Variants in NEMF observed in about 807,000 individuals in gnomAD.
The protein encoded by NEMF is ribosome quality control complex subunit NEMF.
A neutral mutation model predicts 162.2 loss-of-function variants in NEMF; 89 were observed. That is an observed-to-expected ratio of 0.55 (90% CI 0.46 to 0.65). The LOEUF (loss-of-function observed/expected upper bound fraction) is 0.65, where lower values mean the gene tolerates loss of function less well. Ranked by LOEUF, NEMF falls within the 30% of genes least tolerant of loss-of-function variation. The pLI is 0.00. For missense variants in NEMF, 1,133 were observed against 1,261.9 expected (o/e 0.90, Z 1.55); for synonymous variants, 421 against 404.5 (o/e 1.04, Z -0.49).
chr14:49,845,096 AG>A, intron 4 of NEMF, among the ~76,000 whole-genome samples: 1 of 148,180 alleles, frequency 6.7e-6, no homozygotes, highest in Non-Finnish European at 1.5e-5. Flanking sequence ...TTAGTTAGTT[AG>A]TTAGTTTATT....
Position 49,852,763 on chromosome 14 carries a change from C to G in NEMF, c.-10G>C, listed in dbSNP as rs774042770. Reference sequence around the variant, plus strand: ...TAAAGCGGCTCTTCATGGCGAGGCCCGAGGGTCACTACCGCAAGTTCCTCT... The same window carrying G: ...TAAAGCGGCTCTTCATGGCGAGGCCGGAGGGTCACTACCGCAAGTTCCTCT... On this transcript the variant is annotated 5_prime_UTR_variant, in exon 1 of 33. Coordinates refer to ENST00000298310, the MANE Select transcript of NEMF (RefSeq NM_004713.6). The G allele has an allele frequency of 2.5e-6, 4 of 1,614,146 alleles. No individual in the cohort carries two copies. Among genetic ancestry groups the G allele is most frequent in the Non-Finnish European group, 3.4e-6 (4 of 1,180,018 alleles).
Position 49,828,646 on chromosome 14 carries a change from A to C in NEMF, c.1394T>G (p.Leu465Arg). 1 of 1,582,634 alleles carries C rather than the reference A, an allele frequency of 6.3e-7. No individual in the cohort carries two copies. The highest frequency in any genetic ancestry group is 8.5e-7 in the Non-Finnish European group (1 of 1,171,728). The change falls in exon 14 of 33, where the codon CTC (leucine) becomes CGC (arginine). Residue 465 changes from leucine (L) to arginine (R), a missense_variant. By Grantham distance (102) the Leu-to-Arg change is moderately radical. Transcript: ENST00000298310. ...GGCATTGGCATATGCTGACAAGCTG[A>C]GATCAACATCTACAAGTAAGGGCTT... The part of the protein sequence containing the change: ...KNKPLLVDVD[L>R]SLSAYANAKK...
Position 49,814,810 on chromosome 14 carries a change from A to G in NEMF, c.1625T>C (p.Ile542Thr), listed in dbSNP as rs1891642670. The G allele has an allele frequency of 1.3e-6, 2 of 1,596,202 alleles. No individual in the cohort carries two copies. Among genetic ancestry groups the G allele is most frequent in the Non-Finnish European group, 1.7e-6 (2 of 1,173,820 alleles). ...ATTCTGTTGCTGATCTCGTCCACCT[A>G]TAATTAGATAGTTCTCTGAGCTAAT... ...WFISSENYLI[I>T]GGRDQQQNEI... is the part of the protein sequence containing the mutation. The change falls in exon 17 of 33, where the codon ATA (isoleucine) becomes ACA (threonine). Residue 542 changes from isoleucine to threonine, a missense_variant. This residue lies in a region of NEMF where 582 missense variants were observed against 631.5 expected (regional missense o/e 0.92). Transcript: ENST00000298310.
At chr14:49,817,517 GACAA>G (rs1381301552) in intron 16 of NEMF, among the ~76,000 whole-genome samples, 1 of 151,984 alleles carries the variant, frequency 6.6e-6, no homozygotes, top group African/African-American at 2.4e-5. Flanking sequence ...AGTTACACCT[GACAA>G]ACAAGGAAAA....
intron 18 of NEMF, among the ~76,000 whole-genome samples, chr14:49,812,420 T>C (rs1325617527): frequency 6.6e-6 from 1 of 152,192 alleles, no homozygotes; most frequent in Non-Finnish European, 1.5e-5. Context: ...TCATTTCTAC[T>C]CTAATATTTA....
Position 49,795,871 on chromosome 14 carries a change from CTTTT to C in NEMF, c.2535_2538del (p.Glu847ValfsTer21). ...TGAGTTTCAATGTGTACAGTACTTT[CTTTT>C]TCTTTATCCTTTCCCTCTAACGCTT... On this transcript the variant is annotated frameshift_variant, in exon 26 of 33. Transcript: ENST00000298310. LOFTEE classifies it high-confidence loss of function. 1 of 1,613,486 alleles carries C rather than the reference CTTTT, an allele frequency of 6.2e-7. No individual in the cohort carries two copies. Among genetic ancestry groups the C allele is most frequent in the Non-Finnish European group, 8.5e-7 (1 of 1,179,666 alleles).
chr14:49,822,262 C>T (rs576940137), intron 16 of NEMF, among the ~76,000 whole-genome samples: 5 of 147,430 alleles, frequency 3.4e-5, no homozygotes, highest in East Asian at 2.0e-4. Context: ...TCCCCCTCTG[C>T]GAGAAACACC....
chr14:49,828,157 A>G, intron 15 of NEMF, 134 bp downstream of exon 15: 1 of 712,518 alleles, frequency 1.4e-6, no homozygotes, highest in Non-Finnish European at 2.5e-6. Context: ...CTGGAAATAC[A>G]TATATTTAAA....
chr14:49,852,341 A>T (rs945237323), intron 1 of NEMF, among the ~76,000 whole-genome samples: 7 of 152,158 alleles, frequency 4.6e-5, no homozygotes, highest in African/African-American at 1.7e-4. Flanking sequence ...CAAGAAACCA[A>T]GCCCCCAGTC....
At chr14:49,846,337 T>C (rs1333440346) in intron 3 of NEMF, 72 bp from the exon 4 acceptor site, 1 of 1,392,674 alleles carries the variant, frequency 7.2e-7, no homozygotes, top group Non-Finnish European at 1.0e-6. Context: ...GGTTTATAAA[T>C]AAGCTTCTTT....
chr14:49,838,873 C>T (rs1036372921), intron 5 of NEMF, among the ~76,000 whole-genome samples: 2 of 151,544 alleles, frequency 1.3e-5, no homozygotes, highest in African/African-American at 2.4e-5. Context: ...CGTGAGACAC[C>T]GTGCCCAGCC....
intron 4 of NEMF, among the ~76,000 whole-genome samples, chr14:49,844,423 G>C (rs953394193): frequency 1.3e-5 from 2 of 152,124 alleles, no homozygotes; most frequent in Admixed American, 1.3e-4. Context: ...TGGTTCCACA[G>C]ACCAGTTCCA....
At chr14:49,834,812 A>C (rs1892816586) in intron 6 of NEMF, among the ~76,000 whole-genome samples, 1 of 152,220 alleles carries the variant, frequency 6.6e-6, no homozygotes, top group African/African-American at 2.4e-5. Flanking sequence ...ATATAGCACA[A>C]ATTTATTTCC....
intron 26 of NEMF, among the ~76,000 whole-genome samples, chr14:49,791,189 G>A (rs1202027233): frequency 6.6e-6 from 1 of 151,552 alleles, no homozygotes; most frequent in Non-Finnish European, 1.5e-5. Flanking sequence ...ACAAAAATTA[G>A]CTGGGTGTGG....
intron 16 of NEMF, among the ~76,000 whole-genome samples, chr14:49,817,692 A>G (rs1891785274): frequency 6.6e-6 from 1 of 152,214 alleles, no homozygotes; most frequent in Middle Eastern, 3.2e-3. Context: ...AATTCGCAGA[A>G]TATTATAAAC....
At chr14:49,837,735 T>C (rs1403795019) in intron 6 of NEMF, among the ~76,000 whole-genome samples, 1 of 146,700 alleles carries the variant, frequency 6.8e-6, no homozygotes, top group East Asian at 2.0e-4. Flanking sequence ...TTCTCAAGTA[T>C]AAAAGTGTAT....
intron 3 of NEMF, among the ~76,000 whole-genome samples, chr14:49,849,121 T>C (rs373984012): frequency 1.6e-4 from 24 of 152,148 alleles, no homozygotes; most frequent in African/African-American, 5.6e-4. Flanking sequence ...AACTCAGTAG[T>C]TTTAAGAATG....
chr14:49,838,299 C>A, intron 5 of NEMF, 93 bp from the exon 6 acceptor site: 1 of 941,438 alleles, frequency 1.1e-6, no homozygotes, highest in Non-Finnish European at 1.7e-6. Flanking sequence ...ATCAGTTCAC[C>A]TGATCTTTAC....
intron 20 of NEMF, 86 bp from the exon 21 acceptor site, chr14:49,802,813 G>A (rs2139863740): frequency 1.1e-6 from 1 of 886,274 alleles, no homozygotes; most frequent in Non-Finnish European, 1.8e-6. Flanking sequence ...AGTGTCAGAT[G>A]ACACTAATGG....
Sources: gnomAD v4.1 joint callset for allele counts (sites outside exome capture counted in the v4.1 genomes callset) on GRCh38, gnomAD v4.1.1 for gene constraint, gnomAD v4.1.1 regional missense constraint, MANE v1.5 for transcripts, NCBI Gene and HGNC (gene_info 2026-07-23, HGNC 2026-07-21) for gene names.